PFKFB3: variants seen among roughly 807,000 people sequenced by gnomAD.
PFKFB3 encodes 6-phosphofructo-2-kinase/fructose-2,6-biphosphatase 3, also known as 6-phosphofructo-2-kinase/fructose-2,6-bisphosphatase 3.
In PFKFB3, 33 loss-of-function variants were observed where a neutral mutation model predicts 68.0. The observed-to-expected ratio is 0.49, with a 90% CI of 0.37 to 0.65. The LOEUF is 0.65. PFKFB3 is among the 30% of genes least tolerant of loss of function. The pLI is 0.00. For synonymous variants in PFKFB3, 315 were observed against 288.2 expected (o/e 1.09, Z -0.94); for missense variants, 586 against 712.2 (o/e 0.82, Z 2.02).
chr10:6,152,524 C>G (rs1326668097), intron 1 of PFKFB3, among the ~76,000 whole-genome samples: 1 of 152,128 alleles, frequency 6.6e-6, no homozygotes, highest in African/African-American at 2.4e-5. Flanking sequence ...GAGGAACATT[C>G]CGAACCCATG....
rs74114549 is a variant in PFKFB3, at chr10:6,191,741, G to C, written c.17-21882G>C. ...CACCGCTGTCCACTGTACAGAGAAG[G>C]CATCTCTTTCTACCTTCAAATCAGC... On this transcript the variant is annotated intron_variant, in intron 1 of 14. Coordinates refer to the PFKFB3 transcript ENST00000379789. 3.7e-3 allele frequency among the ~76,000 whole-genome samples: 558 copies of C among 152,220 alleles called. 5 individuals are homozygous for C. The highest frequency in any genetic ancestry group is 0.012 in the African/African-American group (519 of 41,536).
chr10:6,182,977 G>C (rs1351120634), intron 1 of PFKFB3, among the ~76,000 whole-genome samples: 4 of 152,174 alleles, frequency 2.6e-5, no homozygotes, highest in Admixed American at 1.3e-4. Flanking sequence ...AACATGGATG[G>C]GGCGGTGCCC....
At chr10:6,216,905 C>T (rs1156738464) in intron 5 of PFKFB3, 125 bp downstream of exon 5, 1 of 829,820 alleles carries the variant, frequency 1.2e-6, no homozygotes, top group Non-Finnish European at 2.0e-6. Flanking sequence ...TGCTCGGTCC[C>T]TCCCCTCCTG....
intron 1 of PFKFB3, among the ~76,000 whole-genome samples, chr10:6,166,556 G>T (rs915266343): frequency 6.6e-6 from 1 of 152,134 alleles, no homozygotes; most frequent in African/African-American, 2.4e-5. Context: ...GCCCTGTTGA[G>T]CTTTGTCATT....
chr10:6,304,474 A>G, the PFKFB3 span, among the ~76,000 whole-genome samples: 1 of 149,582 alleles, frequency 6.7e-6, no homozygotes, highest in Non-Finnish European at 1.5e-5. Flanking sequence ...ACCGTTAGAC[A>G]TTAAATGTAT....
chr10:6,195,526 T>C (rs1843154050), intron 1 of PFKFB3, among the ~76,000 whole-genome samples: 1 of 152,184 alleles, frequency 6.6e-6, no homozygotes, highest in East Asian at 1.9e-4. Context: ...GCTGGCCATG[T>C]CTGCATGGGG....
In PFKFB3 at chr10:6,223,003, G is replaced by A. The variant is rs76218136; in HGVS notation, c.1213+19G>A. On this transcript the variant is annotated intron_variant, in intron 11 of 14. Coordinates refer to ENST00000379775, the MANE Select transcript of PFKFB3 (RefSeq NM_004566.4). ...AGTGCAGGTACCTCGGGCAGGTCGTGGCCCCGGGATGGAGGGAGGAGGGGA... is the reference window on the plus strand; with the variant it reads ...AGTGCAGGTACCTCGGGCAGGTCGTAGCCCCGGGATGGAGGGAGGAGGGGA... The A allele has an allele frequency of 6.3e-3, 10,153 of 1,608,776 alleles. 51 individuals carry two copies. The highest frequency in any genetic ancestry group is 6.9e-3 in the Non-Finnish European group (8,160 of 1,176,866).
the PFKFB3 span, among the ~76,000 whole-genome samples, chr10:6,316,667 C>T: frequency 1.2e-4 from 18 of 151,900 alleles, no homozygotes; most frequent in African/African-American, 3.6e-4. Flanking sequence ...CAGTAGAGTC[C>T]GGGTTTCGCC....
chr10:6,278,777 T>C, the PFKFB3 span, among the ~76,000 whole-genome samples: 2 of 152,370 alleles, frequency 1.3e-5, no homozygotes, highest in East Asian at 3.9e-4. Context: ...TGCATGCAGA[T>C]GCTCAATAAA....
At chr10:6,208,878 C>G (rs1271878587) in intron 1 of PFKFB3, among the ~76,000 whole-genome samples, 1 of 152,196 alleles carries the variant, frequency 6.6e-6, no homozygotes, top group Non-Finnish European at 1.5e-5. Flanking sequence ...TGTTCACCAG[C>G]CAGCCTTCAG....
At chr10:6,179,959 C>G (rs1343835789) in intron 1 of PFKFB3, among the ~76,000 whole-genome samples, 3 of 152,090 alleles carry the variant, frequency 2.0e-5, no homozygotes, top group Non-Finnish European at 4.4e-5. Flanking sequence ...CCGGTGAGGT[C>G]GATCCTGGTG....
intron 1 of PFKFB3, among the ~76,000 whole-genome samples, chr10:6,194,512 G>T (rs774461713): frequency 6.6e-6 from 1 of 152,224 alleles, no homozygotes. Context: ...TGTTGGAGGG[G>T]GATGCAGGCT....
intron 1 of PFKFB3, among the ~76,000 whole-genome samples, chr10:6,180,775 T>C (rs1302661930): frequency 6.6e-6 from 1 of 152,206 alleles, no homozygotes; most frequent in South Asian, 2.1e-4. Flanking sequence ...TATTTTAATA[T>C]AGTTTATCAC....
At chr10:6,217,276 G>A (rs2516624) in intron 6 of PFKFB3, 85 bp downstream of exon 6, 1,151,784 of 1,219,286 alleles carry the variant, frequency 0.94, 548,546 homozygotes, top group East Asian at 0.98. Context: ...GACCGGGTCC[G>A]GCTCGGAAGC....
Position 6,226,306 on chromosome 10 carries a change from A to G in PFKFB3, c.1456A>G (p.Thr486Ala), listed in dbSNP as rs763189277. Residue 486 changes from threonine to alanine, a missense_variant, in exon 14 of 15, where the codon ACC (threonine) becomes GCC (alanine). Transcript: ENST00000379775. Reference sequence around the variant, plus strand: ...CAGCTTTGAGGAGCATGTGGCCTCCACCTCGGCCGCCCTGCCCAGCTGCCT... The same window carrying G: ...CAGCTTTGAGGAGCATGTGGCCTCCGCCTCGGCCGCCCTGCCCAGCTGCCT... ...INSFEEHVAS[T>A]SAALPSCLPP... 4 of 1,613,938 alleles carry G rather than the reference A, an allele frequency of 2.5e-6. No homozygotes were observed. Among genetic ancestry groups the G allele is most frequent in the Admixed American group, 1.7e-5 (1 of 59,992 alleles).
intron 1 of PFKFB3, among the ~76,000 whole-genome samples, chr10:6,204,184 C>T (rs1250339696): frequency 6.6e-6 from 1 of 152,278 alleles, no homozygotes; most frequent in African/African-American, 2.4e-5. Flanking sequence ...ACCTCAGCTG[C>T]GGAGCGCCGC....
intron 1 of PFKFB3, among the ~76,000 whole-genome samples, chr10:6,147,904 A>G (rs1306792019): frequency 2.0e-5 from 3 of 151,108 alleles, no homozygotes; most frequent in Non-Finnish European, 4.4e-5. Flanking sequence ...TCCCTTTTGG[A>G]GGAGAGAGGG....
chr10:6,203,135 G>C lies in PFKFB3; in HGVS notation c.-126G>C. The C allele has an allele frequency of 2.7e-6, 4 of 1,494,864 alleles. No homozygotes were observed. The highest frequency in any genetic ancestry group is 3.6e-6 in the Non-Finnish European group (4 of 1,124,698). The allele number at this position is 1,494,864 out of a possible 1,614,324, so 92.6% of individuals were successfully genotyped here. ...AAGCACGTTTCCCCTGGCAGCGCAG[G>C]AAACGCCCGGCCGCGCGCCGGCGCA... is the stretch of plus-strand genomic sequence containing the variant. On this transcript the variant is annotated 5_prime_UTR_variant, in exon 1 of 15. Transcript: ENST00000379775.
intron 1 of PFKFB3, among the ~76,000 whole-genome samples, chr10:6,206,994 T>C (rs1209979068): frequency 6.8e-6 from 1 of 147,222 alleles, no homozygotes; most frequent in Non-Finnish European, 1.5e-5. Flanking sequence ...TCCCAGACGA[T>C]GGGTGGCCAG....
Sources: allele counts gnomAD v4.1 joint callset (sites outside exome capture counted in the v4.1 genomes callset), GRCh38; gene constraint gnomAD v4.1.1; transcripts MANE v1.5; gene names NCBI Gene and HGNC (gene_info 2026-07-23, HGNC 2026-07-21).